The following EDEM1 variants were observed in gnomAD, a reference collection of about 807,000 sequenced individuals.
EDEM1 encodes ER degradation enhancing alpha-mannosidase like protein 1.
A neutral mutation model predicts 74.4 loss-of-function variants in EDEM1; 67 were observed. The ratio of observed to expected loss-of-function variants is 0.90; its 90% CI spans 0.74 to 1.10. EDEM1 has a LOEUF of 1.10. Ranked by LOEUF, EDEM1 falls within the 50% of genes least tolerant of loss-of-function variation. The pLI is 0.00. For missense variants in EDEM1, 926 were observed against 851.6 expected (o/e 1.09, Z -1.09); for synonymous variants, 382 against 335.9 (o/e 1.14, Z -1.50).
chr3:5,194,983 T>C, intron 1 of EDEM1: 1 of 331,056 alleles, frequency 3.0e-6, no homozygotes, highest in Non-Finnish European at 5.5e-6. Flanking sequence ...TTCTTTCCAC[T>C]CTGGTACAAG....
At chr3:5,201,371 T>C (rs1037341792) in intron 3 of EDEM1, among the ~76,000 whole-genome samples, 1 of 151,954 alleles carries the variant, frequency 6.6e-6, no homozygotes, top group Admixed American at 6.6e-5. Context: ...CCCAGGCTAG[T>C]CTTGAACTCC....
rs150535795 is a variant in EDEM1, at chr3:5,205,063, G to A, written c.1043-4G>A. 210 of 1,612,332 alleles carry A rather than the reference G, an allele frequency of 1.3e-4. 1 individual carries two copies. In the African/African-American group the frequency reaches 1.5e-3, roughly 12 times the overall value. Reference sequence around the variant, plus strand: ...GACCTCAAGTGCCTTGTTTATTTTTGCAGGCAATGTCGTGAACATTCAGAC... The same window carrying A: ...GACCTCAAGTGCCTTGTTTATTTTTACAGGCAATGTCGTGAACATTCAGAC... On this transcript the variant is annotated splice_region_variant and splice_polypyrimidine_tract_variant and intron_variant, in intron 5 of 11. Transcript: ENST00000256497.
intron 7 of EDEM1, among the ~76,000 whole-genome samples, chr3:5,207,501 T>C (rs1414266025): frequency 6.6e-6 from 1 of 152,074 alleles, no homozygotes; most frequent in Admixed American, 6.5e-5. Context: ...GTGTGTGATT[T>C]TTGTTTTTGT....
At position 5,202,726 on chromosome 3, in the gene EDEM1, T is replaced by C. The variant is rs796576763; in HGVS notation, c.859-240T>C. 5.9e-5 allele frequency among the ~76,000 whole-genome samples: 9 copies of C among 152,344 alleles called. No individual in the cohort carries two copies. In the East Asian group the frequency reaches 1.5e-3, roughly 26 times the overall value. On this transcript the variant is annotated intron_variant, in intron 4 of 11. Coordinates refer to ENST00000256497, the MANE Select transcript of EDEM1 (RefSeq NM_014674.3). ...AAAGAGAAGGTTTAGTGAAGTGTTATAGCCATTCCCTGAAGACTTGCTCTT... is the reference window on the plus strand; with the variant it reads ...AAAGAGAAGGTTTAGTGAAGTGTTACAGCCATTCCCTGAAGACTTGCTCTT...
chr3:5,187,770 G>C lies in EDEM1; in HGVS notation c.-36G>C, dbSNP rs1322370746. ...TGCGGTGGTCGGCGGGGAGGCCCCCGCGCTTTAAAATAATGCCCGCGGCGC... is the reference window on the plus strand; with the variant it reads ...TGCGGTGGTCGGCGGGGAGGCCCCCCCGCTTTAAAATAATGCCCGCGGCGC... On this transcript the variant is annotated 5_prime_UTR_variant, in exon 1 of 12. Coordinates refer to ENST00000256497, the MANE Select transcript of EDEM1 (RefSeq NM_014674.3). 2.0e-6 allele frequency: 3 copies of C among 1,510,486 alleles called. No individual in the cohort carries two copies. The Admixed American group carries it at 6.2e-5, about 31-fold the overall frequency. 93.6% of individuals were successfully genotyped at this position (1,510,486 alleles called of 1,614,324 possible). A position where few individuals can be genotyped will look rare whatever the true frequency, so the allele number is the denominator to read the frequency against.
At chr3:5,211,759 C>T (rs767756757) in intron 10 of EDEM1, among the ~76,000 whole-genome samples, 1 of 151,870 alleles carries the variant, frequency 6.6e-6, no homozygotes, top group Non-Finnish European at 1.5e-5. Flanking sequence ...TCATCATTTC[C>T]CTCACAAGAA....
chr3:5,201,486 CAAAATTGTTA>C (rs2055033878), intron 3 of EDEM1, among the ~76,000 whole-genome samples: 2 of 152,102 alleles, frequency 1.3e-5, no homozygotes, highest in African/African-American at 4.8e-5. Flanking sequence ...TTTAGATTAC[CAAAATTGTTA>C]CTATTTTAAA....
intron 10 of EDEM1, among the ~76,000 whole-genome samples, chr3:5,212,307 C>G (rs369862828): frequency 2.0e-5 from 3 of 152,164 alleles, no homozygotes; most frequent in South Asian, 4.1e-4. Flanking sequence ...TGTGATCTGT[C>G]CAGTGGGAAG....
intron 10 of EDEM1, among the ~76,000 whole-genome samples, chr3:5,212,455 A>C (rs995922181): frequency 4.6e-5 from 7 of 152,240 alleles, no homozygotes; most frequent in African/African-American, 1.7e-4. Context: ...GAAGGACGTT[A>C]ACAGGGCGAG....
At chr3:5,202,008 A>G in intron 4 of EDEM1, 84 bp downstream of exon 4, 2 of 1,484,828 alleles carry the variant, frequency 1.3e-6, no homozygotes, top group Non-Finnish European at 1.8e-6. Context: ...TTTATTTGGG[A>G]GAAGGAATGG....
chr3:5,201,915 A>G lies in EDEM1; in HGVS notation c.849A>G (p.Pro283=), dbSNP rs2055039775. The G allele has an allele frequency of 9.3e-6, 15 of 1,613,626 alleles. No homozygotes were observed. Among genetic ancestry groups the G allele is most frequent in the Admixed American group, 1.7e-5 (1 of 59,916 alleles). ...PAFENTKTGI[P]YPRVNLKTGV... ...TTGAAAACACCAAGACAGGGATTCC[A>G]TATCCTCGGGTGGGTAGACTGGTTT... The change falls in exon 4 of 12, where the codon CCA becomes CCG. Residue 283 remains proline (P), a synonymous_variant. Coordinates refer to ENST00000256497, the MANE Select transcript of EDEM1 (RefSeq NM_014674.3).
At chr3:5,200,198 C>T (rs2055017808) in intron 3 of EDEM1, among the ~76,000 whole-genome samples, 2 of 152,194 alleles carry the variant, frequency 1.3e-5, no homozygotes, top group South Asian at 4.1e-4. Flanking sequence ...TCCCAAAGTG[C>T]TGGGATAACA....
At chr3:5,208,329 A>G in intron 8 of EDEM1, 66 bp downstream of exon 8, 2 of 1,552,630 alleles carry the variant, frequency 1.3e-6, no homozygotes, top group Non-Finnish European at 1.7e-6. Flanking sequence ...GTTCATTCTT[A>G]ATGAACATTT....
chr3:5,212,051 C>T (rs1251690152), intron 10 of EDEM1, among the ~76,000 whole-genome samples: 1 of 152,140 alleles, frequency 6.6e-6, no homozygotes, highest in Non-Finnish European at 1.5e-5. Flanking sequence ...TTATCTAGTT[C>T]CGTGGTTCCT....
Position 5,217,745 on chromosome 3 carries a change from A to T in EDEM1, c.*1827A>T, listed in dbSNP as rs1444729036. 3 of 151,658 alleles carry T rather than the reference A, an allele frequency of 2.0e-5. No homozygotes were observed. Among genetic ancestry groups the T allele is most frequent in the Non-Finnish European group, 4.4e-5 (3 of 67,904 alleles). The allele number at this position is 151,658 out of a possible 1,614,324, so 9.4% of individuals were successfully genotyped here. A position where few individuals can be genotyped will look rare whatever the true frequency, so the allele number is the denominator to read the frequency against. On this transcript the variant is annotated 3_prime_UTR_variant, in exon 12 of 12. Transcript: ENST00000256497. ...CTACTGAATAGAAAACTTTGAGAAT[A>T]ATATATATATATATTTTAAATGTTT...
rs543016528 is a variant in EDEM1 at position 5,211,368 on chromosome 3, A to G, written c.1680+152A>G. 12 of 686,406 alleles carry G rather than the reference A, an allele frequency of 1.7e-5. No individual in the cohort carries two copies. In the Admixed American group the frequency reaches 2.3e-4, roughly 13 times the overall value. 42.5% of individuals were successfully genotyped at this position (686,406 alleles called of 1,614,324 possible). On this transcript the variant is annotated intron_variant, in intron 10 of 11. Coordinates refer to ENST00000256497, the MANE Select transcript of EDEM1 (RefSeq NM_014674.3). ...GCAAACGCTGTCAGAACCAAAGGAT[A>G]TTACTATCTTCTTTCATGGTTTCCA... is the stretch of plus-strand genomic sequence containing the variant.
intron 10 of EDEM1, among the ~76,000 whole-genome samples, chr3:5,212,553 G>T (rs1249254707): frequency 3.3e-5 from 5 of 152,226 alleles, no homozygotes; most frequent in African/African-American, 9.6e-5. Flanking sequence ...GGTCTACCCT[G>T]TTCTTCTCTT....
chr3:5,213,767 G>C (rs750804912), intron 11 of EDEM1, among the ~76,000 whole-genome samples: 58 of 152,290 alleles, frequency 3.8e-4, no homozygotes, highest in Non-Finnish European at 5.9e-4. Flanking sequence ...GATCCTGGAA[G>C]GGGGGAGCCT....
At chr3:5,190,711 G>A (rs934397872) in intron 1 of EDEM1, among the ~76,000 whole-genome samples, 2 of 152,206 alleles carry the variant, frequency 1.3e-5, no homozygotes, top group African/African-American at 4.8e-5. Flanking sequence ...GTTGTGCCCT[G>A]AGCTGGGTAG....
Sources: gnomAD v4.1 joint callset for allele counts (sites outside exome capture counted in the v4.1 genomes callset) on GRCh38, gnomAD v4.1.1 for gene constraint, MANE v1.5 for transcripts, NCBI Gene and HGNC (gene_info 2026-07-23, HGNC 2026-07-21) for gene names.